HP1BP3: variants seen among roughly 807,000 people sequenced by gnomAD.
The protein encoded by HP1BP3 is heterochromatin protein 1 binding protein 3.
In HP1BP3, 12 loss-of-function variants were observed where a neutral mutation model predicts 62.5. The ratio of observed to expected loss-of-function variants is 0.19; its 90% CI spans 0.12 to 0.31. HP1BP3 has a LOEUF of 0.31. Among genes scored for constraint, HP1BP3 ranks in the 10% least tolerant of loss-of-function variants. HP1BP3 has a pLI of 1.00. For missense variants in HP1BP3, 502 were observed against 651.8 expected (o/e 0.77, Z 2.50); for synonymous variants, 260 against 237.8 (o/e 1.09, Z -0.86).
chr1:20,768,933 T>C (rs1294955546), intron 6 of HP1BP3, among the ~76,000 whole-genome samples: 1 of 152,070 alleles, frequency 6.6e-6, no homozygotes, highest in Non-Finnish European at 1.5e-5. Flanking sequence ...CTACTAAGAG[T>C]TGTTTAGGCA....
chr1:20,775,529 A>G (rs1277523252), intron 4 of HP1BP3: 1 of 153,366 alleles, frequency 6.5e-6, no homozygotes, highest in East Asian at 1.9e-4. Flanking sequence ...TAAAAATAAA[A>G]ACTTTTTAGT....
chr1:20,757,625 C>T (rs1378423157), intron 8 of HP1BP3, among the ~76,000 whole-genome samples: 3 of 152,024 alleles, frequency 2.0e-5, no homozygotes, highest in Middle Eastern at 3.2e-3. Context: ...CCTGACTCGG[C>T]CTCCCAAAGT....
chr1:20,773,686 C>A, intron 4 of HP1BP3, 76 bp from the exon 5 acceptor site: 1 of 995,482 alleles, frequency 1.0e-6, no homozygotes. Context: ...AGGAAAAGAC[C>A]AGGGAGGGAT....
At chr1:20,763,181 G>A (rs918249582) in intron 8 of HP1BP3, among the ~76,000 whole-genome samples, 2 of 152,158 alleles carry the variant, frequency 1.3e-5, no homozygotes, top group African/African-American at 2.4e-5. Flanking sequence ...ACTAGAAGCA[G>A]ACGCCTGCAC....
chr1:20,755,417 CAAA>C, intron 9 of HP1BP3: 1 of 451,756 alleles, frequency 2.2e-6, no homozygotes, highest in South Asian at 1.6e-5. Flanking sequence ...ACAAAAAATA[CAAA>C]AATTAATCAG....
At chr1:20,778,956 A>G (rs183761317) in intron 3 of HP1BP3, among the ~76,000 whole-genome samples, 1 of 152,036 alleles carries the variant, frequency 6.6e-6, no homozygotes, top group Admixed American at 6.6e-5. Flanking sequence ...TGCCCAGATA[A>G]TGTTTATAAT....
At chr1:20,758,494 G>C (rs1046411677) in intron 8 of HP1BP3, among the ~76,000 whole-genome samples, 2 of 151,940 alleles carry the variant, frequency 1.3e-5, no homozygotes, top group African/African-American at 2.4e-5. Context: ...CTACAGGCGC[G>C]TGCCACCACG....
At chr1:20,753,894 T>C (rs752789239) in intron 9 of HP1BP3, among the ~76,000 whole-genome samples, 37 of 152,300 alleles carry the variant, frequency 2.4e-4, no homozygotes, top group Middle Eastern at 6.8e-3. Context: ...TAGGCATCTA[T>C]GAAAAACCTA....
intron 5 of HP1BP3, among the ~76,000 whole-genome samples, 198 bp downstream of exon 5, chr1:20,773,251 ATT>A (rs1197519787): frequency 6.6e-6 from 1 of 151,912 alleles, no homozygotes; most frequent in African/African-American, 2.4e-5. Flanking sequence ...ATTAAATATA[ATT>A]TTTTTAAAAA....
chr1:20,750,180 A>T lies in HP1BP3; in HGVS notation c.982-298T>A, dbSNP rs2055620719. ...TACCCAATAAGCAGGTTAACCAGTT[A>T]TGTCCCTAAAAATTAAGATTCTTTT... is the stretch of plus-strand genomic sequence containing the variant. On this transcript the variant is annotated intron_variant, in intron 9 of 12. Transcript: ENST00000438032. 2 of 246,350 alleles carry T rather than the reference A, an allele frequency of 8.1e-6. 1 individual carries two copies. The allele number at this position is 246,350 out of a possible 1,614,324, so 15.3% of individuals were successfully genotyped here. A position where few individuals can be genotyped will look rare whatever the true frequency, so the allele number is the denominator to read the frequency against.
chr1:20,743,981 A>T lies in HP1BP3; in HGVS notation c.*816T>A, dbSNP rs1453835307. On this transcript the variant is annotated 3_prime_UTR_variant, in exon 13 of 13. Coordinates refer to ENST00000438032, the MANE Select transcript of HP1BP3 (RefSeq NM_001372052.1). ...CTACTCGGGAGGCTGAAGCAGGAGAATTGCTTGAACCCAGGAGGTGGAGGT... is the reference window on the plus strand; with the variant it reads ...CTACTCGGGAGGCTGAAGCAGGAGATTTGCTTGAACCCAGGAGGTGGAGGT... The T allele has an allele frequency of 6.6e-6, 1 of 152,110 alleles. No individual in the cohort carries two copies. Among genetic ancestry groups the T allele is most frequent in the East Asian group, 1.9e-4 (1 of 5,172 alleles). 9.4% of individuals were successfully genotyped at this position (152,110 alleles called of 1,614,324 possible).
chr1:20,756,888 G>A (rs563292053), intron 9 of HP1BP3, among the ~76,000 whole-genome samples: 11 of 152,072 alleles, frequency 7.2e-5, no homozygotes, highest in Non-Finnish European at 1.3e-4. Flanking sequence ...GCTCATTTTT[G>A]TATTTTTAGT....
At chr1:20,777,301 TA>T (rs914982448) in intron 3 of HP1BP3, among the ~76,000 whole-genome samples, 13 of 150,752 alleles carry the variant, frequency 8.6e-5, no homozygotes, top group African/African-American at 3.2e-4. Flanking sequence ...ATAAAAAAAA[TA>T]AAAAAAACAT....
At chr1:20,777,044 G>A (rs1177065831) in intron 3 of HP1BP3, among the ~76,000 whole-genome samples, 1 of 152,122 alleles carries the variant, frequency 6.6e-6, no homozygotes, top group Admixed American at 6.5e-5. Context: ...ATATTCATGA[G>A]ACTCATAATT....
intron 3 of HP1BP3, among the ~76,000 whole-genome samples, chr1:20,778,906 C>T (rs548338334): frequency 9.9e-4 from 150 of 152,054 alleles, no homozygotes; most frequent in African/African-American, 3.5e-3. Context: ...TCTTGTGCCT[C>T]AGCCTCCTGA....
intron 11 of HP1BP3, among the ~76,000 whole-genome samples, chr1:20,747,130 C>T (rs941504883): frequency 2.6e-5 from 4 of 152,186 alleles, no homozygotes; most frequent in Non-Finnish European, 5.9e-5. Context: ...TAATCTTATG[C>T]CTGGCTAAAA....
intron 1 of HP1BP3, among the ~76,000 whole-genome samples, chr1:20,785,084 G>A (rs2985315): frequency 6.6e-6 from 1 of 152,192 alleles, no homozygotes; most frequent in African/African-American, 2.4e-5. Flanking sequence ...CACCACAGCC[G>A]GATAGTTTTT....
At chr1:20,785,438 G>C (rs113467576) in intron 1 of HP1BP3, among the ~76,000 whole-genome samples, 181 of 152,178 alleles carry the variant, frequency 1.2e-3, no homozygotes, top group African/African-American at 4.3e-3. Flanking sequence ...TTAGTGATGC[G>C]CTGAACACCT....
chr1:20,758,507 C>T (rs898488630), intron 8 of HP1BP3, among the ~76,000 whole-genome samples: 6 of 152,100 alleles, frequency 3.9e-5, no homozygotes, highest in East Asian at 1.9e-4. Flanking sequence ...CCACCACGCC[C>T]GGCTAATTTT....
Sources: allele counts gnomAD v4.1 joint callset (sites outside exome capture counted in the v4.1 genomes callset), GRCh38; gene constraint gnomAD v4.1.1; transcripts MANE v1.5; gene names NCBI Gene and HGNC (gene_info 2026-07-23, HGNC 2026-07-21).